Variants in TMEM131L observed in about 807,000 individuals in gnomAD.
TMEM131L encodes the protein transmembrane 131 like.
In TMEM131L, 54 loss-of-function variants were observed where a neutral mutation model predicts 192.2. The observed-to-expected ratio is 0.28, with a 90% confidence interval of 0.23 to 0.35. The LOEUF (loss-of-function observed/expected upper bound fraction) is 0.35, where lower values mean the gene tolerates loss of function less well. TMEM131L is among the 10% of genes least tolerant of loss of function. TMEM131L has a pLI of 1.00. For synonymous variants in TMEM131L, 701 were observed against 704.9 expected (o/e 0.99, Z 0.09); for missense variants, 1,888 against 1,972.9 (o/e 0.96, Z 0.82).
At chr4:153,510,356 C>G (rs890606927) in intron 3 of TMEM131L, among the ~76,000 whole-genome samples, 1 of 152,146 alleles carries the variant, frequency 6.6e-6, no homozygotes, top group Admixed American at 6.5e-5. Context: ...TTAATCAGTT[C>G]TAACACTGAC....
intron 3 of TMEM131L, among the ~76,000 whole-genome samples, chr4:153,507,562 CAA>C (rs897487991): frequency 5.1e-4 from 77 of 152,152 alleles, no homozygotes; most frequent in African/African-American, 1.8e-3. Flanking sequence ...CCTCATGTCC[CAA>C]AAGAGAATAC....
At position 153,466,544 on chromosome 4, in the gene TMEM131L, C is replaced by G. The variant is rs754192685; in HGVS notation, c.124+23C>G. The G allele has an allele frequency of 1.3e-5, 17 of 1,306,950 alleles. No homozygotes were observed. The African/African-American group carries it at 2.5e-4, about 19-fold the overall frequency. 81.0% of individuals were successfully genotyped at this position (1,306,950 alleles called of 1,614,324 possible). ...AAGGTCAGCCTTGCGCCGCTGGGCTCGCTCTGCCTCTCCACCCCGCCCCCG... is the reference window on the plus strand; with the variant it reads ...AAGGTCAGCCTTGCGCCGCTGGGCTGGCTCTGCCTCTCCACCCCGCCCCCG... On this transcript the variant is annotated intron_variant, in intron 1 of 34. Coordinates refer to ENST00000409959, the MANE Select transcript of TMEM131L (RefSeq NM_001131007.2).
chr4:153,624,406 A>G (rs556038727), intron 29 of TMEM131L, among the ~76,000 whole-genome samples: 27 of 152,260 alleles, frequency 1.8e-4, no homozygotes, highest in Non-Finnish European at 1.2e-4. Context: ...GGCGTGGGCC[A>G]CTGCGCCCGG....
In TMEM131L at chr4:153,635,449, A is replaced by C; in HGVS notation, c.4435A>C (p.Asn1479His). ...AFPEENMNYA[N>H]GFPCPADVQT... ...CTTTGTAGAAAACATGAACTATGCC[A>C]ATGGCTTCCCCTGTCCTGCAGATGT... The change falls in exon 34 of 35, where the codon AAT becomes CAT. Residue 1479 changes from asparagine to histidine, a missense_variant. Coordinates refer to ENST00000409959, the MANE Select transcript of TMEM131L (RefSeq NM_001131007.2). The C allele has an allele frequency of 6.2e-7, 1 of 1,614,020 alleles. No homozygotes were observed. The highest frequency in any genetic ancestry group is 2.2e-5 in the East Asian group (1 of 44,884).
chr4:153,479,454 T>TAG (rs1054975213), intron 3 of TMEM131L, among the ~76,000 whole-genome samples: 13 of 152,210 alleles, frequency 8.5e-5, no homozygotes, highest in Admixed American at 2.0e-4. Flanking sequence ...CAGCTCTTAC[T>TAG]AGAACTGAAT....
chr4:153,551,894 G>A (rs2150419360), intron 4 of TMEM131L, among the ~76,000 whole-genome samples: 1 of 152,096 alleles, frequency 6.6e-6, no homozygotes, highest in South Asian at 2.1e-4. Context: ...TTCTGAGAGG[G>A]TGCTATAATT....
chr4:153,577,988 A>C (rs891425320), intron 7 of TMEM131L, among the ~76,000 whole-genome samples: 1 of 152,154 alleles, frequency 6.6e-6, no homozygotes, highest in African/African-American at 2.4e-5. Context: ...GAGAGTGAAG[A>C]GGGCATAGGC....
Position 153,636,365 on chromosome 4 carries a change from C to T in TMEM131L, c.4622C>T (p.Pro1541Leu). 5 of 1,614,132 alleles carry T rather than the reference C, an allele frequency of 3.1e-6. No homozygotes were observed. Among genetic ancestry groups the T allele is most frequent in the Non-Finnish European group, 4.2e-6 (5 of 1,180,016 alleles). The change falls in exon 35 of 35, where the codon CCG becomes CTG. Residue 1541 changes from proline (P) to leucine (L), a missense_variant. By Grantham distance (98) the Pro-to-Leu change is moderately conservative. Coordinates refer to ENST00000409959, the MANE Select transcript of TMEM131L (RefSeq NM_001131007.2). Reference protein sequence around the residue: ...MSGLFGSIWAPQSDVYENCCP... With the variant: ...MSGLFGSIWALQSDVYENCCP... ...GGACTTTTTGGTTCCATCTGGGCCC[C>T]GCAAAGCGATGTGTATGAAAATTGC...
Position 153,587,793 on chromosome 4 carries a change from A to G in TMEM131L, c.1534A>G (p.Met512Val), listed in dbSNP as rs754955301. Residue 512 changes from methionine to valine, a missense_variant, in exon 15 of 35, where the codon ATG (methionine) becomes GTG (valine). Physicochemically the swap from Met to Val is conservative, Grantham distance 21 (BLOSUM62 1). Coordinates refer to ENST00000409959, the MANE Select transcript of TMEM131L (RefSeq NM_001131007.2). Reference sequence around the variant, plus strand: ...AGCACATTGTGGCATGCATTATTTCATGGGAAAATCAAAAGCAGGTAAGTA... The same window carrying G: ...AGCACATTGTGGCATGCATTATTTCGTGGGAAAATCAAAAGCAGGTAAGTA... ...VIAHCGMHYFMGKSKAGNPNW... is the reference protein window; with the variant it reads ...VIAHCGMHYFVGKSKAGNPNW... 4.3e-6 allele frequency: 7 copies of G among 1,613,298 alleles called. No homozygotes were observed. Among genetic ancestry groups the G allele is most frequent in the Non-Finnish European group, 5.9e-6 (7 of 1,179,368 alleles).
intron 28 of TMEM131L, among the ~76,000 whole-genome samples, chr4:153,622,101 T>C (rs1177326750): frequency 2.0e-5 from 3 of 152,122 alleles, no homozygotes; most frequent in African/African-American, 7.2e-5. Context: ...GGCATATTGC[T>C]GAAGGAATGA....
chr4:153,595,194 A>G (rs1015278714), intron 19 of TMEM131L, among the ~76,000 whole-genome samples: 3 of 152,214 alleles, frequency 2.0e-5, no homozygotes, highest in Admixed American at 6.5e-5. Context: ...AGAATTCTTC[A>G]TCATGTAAAG....
chr4:153,615,500 T>C (rs1368685951), intron 26 of TMEM131L, among the ~76,000 whole-genome samples: 1 of 152,162 alleles, frequency 6.6e-6, no homozygotes, highest in African/African-American at 2.4e-5. Context: ...GAGGCAGTGT[T>C]GAATTTGCAG....
At chr4:153,525,865 A>ATT (rs370695953) in intron 3 of TMEM131L, among the ~76,000 whole-genome samples, 1 of 147,060 alleles carries the variant, frequency 6.8e-6, no homozygotes, top group African/African-American at 2.5e-5. Context: ...TTTTATTTTT[A>ATT]TTTTTTTTTT....
In TMEM131L at chr4:153,555,134, C is replaced by G. The variant is rs1737896240; in HGVS notation, c.309-653C>G. Among the ~76,000 whole-genome samples, 1 of 152,064 alleles carries G rather than the reference C, an allele frequency of 6.6e-6. No individual in the cohort carries two copies. The highest frequency in any genetic ancestry group is 1.5e-5 in the Non-Finnish European group (1 of 67,946). On this transcript the variant is annotated intron_variant, in intron 4 of 34. Coordinates refer to ENST00000409959, the MANE Select transcript of TMEM131L (RefSeq NM_001131007.2). The surrounding 1 kb of genome is among the most constrained non-coding windows in gnomAD (Gnocchi z 4.1). The stretch of plus-strand genomic sequence containing the variant: ...GCTCATAATTTAAATGGATGAGAAC[C>G]TCTGCTGCAAAGTGCTGCCGGATTT...
intron 3 of TMEM131L, among the ~76,000 whole-genome samples, chr4:153,475,799 G>A (rs1429952842): frequency 2.0e-5 from 3 of 152,140 alleles, no homozygotes; most frequent in African/African-American, 7.2e-5. Context: ...TAGTAACCTA[G>A]AGATGATTTA....
intron 9 of TMEM131L, 105 bp downstream of exon 9, chr4:153,581,665 CT>C: frequency 1.4e-6 from 1 of 706,898 alleles, no homozygotes; most frequent in South Asian, 4.5e-5. Context: ...GACAAATAGC[CT>C]TTGCTTTAAT....
At chr4:153,511,253 T>C (rs1273282200) in intron 3 of TMEM131L, among the ~76,000 whole-genome samples, 1 of 152,204 alleles carries the variant, frequency 6.6e-6, no homozygotes, top group African/African-American at 2.4e-5. Context: ...AATGGTAGAC[T>C]GCCTAAAGAA....
intron 3 of TMEM131L, among the ~76,000 whole-genome samples, chr4:153,505,173 C>T (rs1365017074): frequency 6.7e-6 from 1 of 150,230 alleles, no homozygotes; most frequent in Non-Finnish European, 1.5e-5. Context: ...ACAGCACAAT[C>T]TCGGCTCACT....
intron 21 of TMEM131L, among the ~76,000 whole-genome samples, chr4:153,601,318 G>A (rs1327825058): frequency 6.6e-6 from 1 of 152,082 alleles, no homozygotes; most frequent in Non-Finnish European, 1.5e-5. Context: ...GATTGCTTGA[G>A]CCCAGGAGTT....
Sources: gnomAD v4.1 joint callset for allele counts (sites outside exome capture counted in the v4.1 genomes callset) on GRCh38, gnomAD v4.1.1 for gene constraint, Gnocchi (gnomAD v3.1) non-coding constraint, MANE v1.5 for transcripts, NCBI Gene and HGNC (gene_info 2026-07-23, HGNC 2026-07-21) for gene names.